Variants in SEMA3C observed in about 807,000 individuals in gnomAD.
SEMA3C encodes semaphorin-3C.
In SEMA3C, 47 loss-of-function variants were observed where a neutral mutation model predicts 89.4. The observed-to-expected ratio is 0.53, with a 90% CI of 0.42 to 0.67. SEMA3C has a LOEUF of 0.67. Among genes scored for constraint, SEMA3C ranks in the 30% least tolerant of loss-of-function variants. The probability of loss-of-function intolerance (pLI) is 0.00; values close to 1 mark genes in which losing one functional copy is unlikely to be tolerated. For missense variants in SEMA3C, 839 were observed against 929.1 expected, an observed-to-expected ratio of 0.90 and a Z score of 1.26; for synonymous variants, 310 against 320.2, an observed-to-expected ratio of 0.97 and a Z score of 0.34.
chr7:80,851,565 C>A (rs1179130412), intron 2 of SEMA3C, among the ~76,000 whole-genome samples: 4 of 132,652 alleles, frequency 3.0e-5, no homozygotes. Flanking sequence ...AGGATGAGCA[C>A]ATCATTCATG....
intron 2 of SEMA3C, among the ~76,000 whole-genome samples, chr7:80,864,452 G>C (rs559007480): frequency 6.6e-6 from 1 of 151,846 alleles, no homozygotes; most frequent in African/African-American, 2.4e-5. Context: ...TCTTTCCTTA[G>C]AGTTTTTATT....
intron 5 of SEMA3C, among the ~76,000 whole-genome samples, chr7:80,817,658 C>T (rs1015024418): frequency 2.0e-5 from 3 of 147,456 alleles, no homozygotes; most frequent in African/African-American, 8.1e-5. Context: ...TAGCAAACAT[C>T]ATACCATAAT....
intron 2 of SEMA3C, among the ~76,000 whole-genome samples, chr7:80,916,253 G>A (rs1242432451): frequency 6.6e-6 from 1 of 152,148 alleles, no homozygotes; most frequent in Non-Finnish European, 1.5e-5. Flanking sequence ...CCAGTTTTGA[G>A]ACTAATGCCC....
intron 12 of SEMA3C, among the ~76,000 whole-genome samples, chr7:80,788,047 A>T (rs890131766): frequency 2.6e-5 from 4 of 152,216 alleles, no homozygotes; most frequent in Non-Finnish European, 5.9e-5. Context: ...TTTCAAGAAT[A>T]AAAAAAGGAT....
Position 80,827,449 on chromosome 7 carries a change from G to A in SEMA3C, c.303C>T (p.Cys101=). 1 of 1,450,880 alleles carries A rather than the reference G, an allele frequency of 6.9e-7. No individual in the cohort carries two copies. Among genetic ancestry groups the A allele is most frequent in the South Asian group, 1.3e-5 (1 of 77,120 alleles). 89.9% of individuals were successfully genotyped at this position (1,450,880 alleles called of 1,614,324 possible). Residue 101 remains cysteine (C), a synonymous_variant, in exon 4 of 18, where the codon TGC becomes TGT. Coordinates refer to ENST00000265361, the MANE Select transcript of SEMA3C (RefSeq NM_006379.5). ...CTGTGGGATCTTTGCCAGCCATTTT[G>A]CATTCTTCAACTTTGATTGTAGATG... ...WPASTIKVEE[C]KMAGKDPTHG... is the part of the protein sequence containing the mutation.
At chr7:80,840,547 C>CGAGA (rs138991595) in intron 2 of SEMA3C, among the ~76,000 whole-genome samples, 23,914 of 140,928 alleles carry the variant, frequency 0.17, 2,364 homozygotes, top group Middle Eastern at 0.22. Context: ...AAAAAAAGAG[C>CGAGA]GAGAGAGAGA....
intron 2 of SEMA3C, among the ~76,000 whole-genome samples, chr7:80,887,004 A>C (rs1012857565): frequency 4.6e-5 from 7 of 152,186 alleles, no homozygotes; most frequent in African/African-American, 1.7e-4. Flanking sequence ...AAAATCATTA[A>C]TATGTTATAT....
intron 4 of SEMA3C, among the ~76,000 whole-genome samples, chr7:80,825,689 T>A (rs1789855839): frequency 6.6e-6 from 1 of 152,040 alleles, no homozygotes; most frequent in African/African-American, 2.4e-5. Flanking sequence ...GAAATGCAAA[T>A]CCTTTTGAAC....
In SEMA3C at chr7:80,838,281, C is replaced by T. The variant is rs530044664; in HGVS notation, c.104-9536G>A. Among the ~76,000 whole-genome samples the T allele has an allele frequency of 2.0e-5, 3 of 152,176 alleles. No homozygotes were observed. In the South Asian group the frequency reaches 6.2e-4, roughly 32 times the overall value. On this transcript the variant is annotated intron_variant, in intron 2 of 17. Coordinates refer to ENST00000265361, the MANE Select transcript of SEMA3C (RefSeq NM_006379.5). ...TCCAGAGCACTCCCCTTAGGTCCTG[C>T]ATCTACAATATAAAAAAAGAATGAG...
intron 2 of SEMA3C, among the ~76,000 whole-genome samples, chr7:80,869,132 T>C (rs1295628306): frequency 1.3e-5 from 2 of 152,188 alleles, no homozygotes; most frequent in Non-Finnish European, 2.9e-5. Flanking sequence ...GTGTTCCAAA[T>C]CAGCACAATT....
intron 16 of SEMA3C, 48 bp from the exon 17 acceptor site, chr7:80,749,076 A>G (rs1370877271): frequency 1.3e-6 from 2 of 1,538,582 alleles, no homozygotes; most frequent in East Asian, 2.3e-5. Context: ...AACACAACTG[A>G]ATTTAGAGCA....
rs562692080 is a variant in SEMA3C, at chr7:80,776,245, C to T, written c.1355-11002G>A. Among the ~76,000 whole-genome samples the T allele has an allele frequency of 1.1e-3, 160 of 148,660 alleles. 7 individuals carry two copies. In the South Asian group the frequency reaches 0.033, roughly 31 times the overall value. On this transcript the variant is annotated intron_variant, in intron 12 of 17. Coordinates refer to ENST00000265361, the MANE Select transcript of SEMA3C (RefSeq NM_006379.5). ...TGCTCATTAACAGACCAGTTAATGGCAGTCCCTACAATACTGCCAAGTAAA... is the reference window on the plus strand; with the variant it reads ...TGCTCATTAACAGACCAGTTAATGGTAGTCCCTACAATACTGCCAAGTAAA...
intron 6 of SEMA3C, among the ~76,000 whole-genome samples, chr7:80,809,474 C>T (rs1294446965): frequency 6.6e-6 from 1 of 152,140 alleles, no homozygotes; most frequent in African/African-American, 2.4e-5. Context: ...GGTGATTCTA[C>T]TTTTAGTTTT....
intron 2 of SEMA3C, among the ~76,000 whole-genome samples, chr7:80,840,838 G>C (rs564608913): frequency 1.1e-4 from 17 of 152,264 alleles, no homozygotes; most frequent in African/African-American, 4.1e-4. Flanking sequence ...ACAAAGTATA[G>C]TAAAAGGGAG....
At chr7:80,763,900 T>C (rs3823478) in intron 13 of SEMA3C, among the ~76,000 whole-genome samples, 17,063 of 152,198 alleles carry the variant, frequency 0.11, 1,018 homozygotes, top group Admixed American at 0.15. Context: ...CTGAATATCA[T>C]TGACGTCATT....
intron 15 of SEMA3C, among the ~76,000 whole-genome samples, chr7:80,752,796 G>A (rs984237249): frequency 1.3e-5 from 2 of 152,066 alleles, no homozygotes; most frequent in African/African-American, 4.8e-5. Context: ...ATCACACATT[G>A]TTAAAAGTCA....
At chr7:80,804,278 T>C (rs1463605098) in intron 7 of SEMA3C, 30 bp from the exon 8 acceptor site, 3 of 1,475,266 alleles carry the variant, frequency 2.0e-6, no homozygotes, top group Non-Finnish European at 9.1e-7. Context: ...ACTAGGTATA[T>C]ATTCATTATG....
intron 17 of SEMA3C, among the ~76,000 whole-genome samples, chr7:80,747,483 T>A (rs1787828621): frequency 6.6e-6 from 1 of 152,110 alleles, no homozygotes; most frequent in South Asian, 2.1e-4. Context: ...ACATATAGGC[T>A]TTTTCTGGAA....
intron 4 of SEMA3C, among the ~76,000 whole-genome samples, chr7:80,821,796 C>A (rs1215223596): frequency 2.0e-5 from 3 of 151,868 alleles, no homozygotes; most frequent in Non-Finnish European, 4.4e-5. Flanking sequence ...AATTTGAGTC[C>A]CAGAGAGGTT....
Sources: allele counts gnomAD v4.1 joint callset (sites outside exome capture counted in the v4.1 genomes callset), GRCh38; gene constraint gnomAD v4.1.1; transcripts MANE v1.5; gene names NCBI Gene and HGNC (gene_info 2026-07-23, HGNC 2026-07-21).